KDM5A: variants seen among roughly 807,000 people sequenced by gnomAD.
The protein encoded by KDM5A is lysine-specific demethylase 5A.
In KDM5A, 42 loss-of-function variants were observed where a neutral mutation model predicts 193.5. The observed-to-expected ratio is 0.22, with a 90% CI of 0.17 to 0.28. The LOEUF is 0.28. Ranked by LOEUF, KDM5A falls within the 10% of genes least tolerant of loss-of-function variation. KDM5A has a pLI of 1.00. For missense variants in KDM5A, 1,692 were observed against 2,055.1 expected (o/e 0.82, Z 3.42); for synonymous variants, 796 against 718.1 (o/e 1.11, Z -1.73).
intron 13 of KDM5A, among the ~76,000 whole-genome samples, chr12:330,085 G>GTGTGTGTGTGTATATATATATATATATA (rs377271333): frequency 7.2e-6 from 1 of 139,322 alleles, no homozygotes; most frequent in African/African-American, 2.7e-5. Context: ...GTGTGTGTGT[G>GTGTGTGTGTGTATATATATATATATATA]TATATATATA....
intron 3 of KDM5A, among the ~76,000 whole-genome samples, chr12:382,867 G>A (rs550179738): frequency 6.6e-6 from 1 of 152,238 alleles, no homozygotes; most frequent in East Asian, 1.9e-4. Context: ...GGGAGGCAGA[G>A]GTTGCAGTGA....
intron 18 of KDM5A, among the ~76,000 whole-genome samples, chr12:319,340 C>T (rs1330024682): frequency 2.0e-5 from 3 of 152,078 alleles, no homozygotes; most frequent in Admixed American, 6.5e-5. Flanking sequence ...GTTTAGGCAA[C>T]GGAGAGGACA....
At chr12:293,710 C>T (rs996888130) in intron 26 of KDM5A, among the ~76,000 whole-genome samples, 29 of 131,120 alleles carry the variant, frequency 2.2e-4, no homozygotes, top group African/African-American at 6.7e-4. Flanking sequence ...TCCCGGGAGG[C>T]GGAGGTTGCA....
Position 306,960 on chromosome 12 carries a change from C to T in KDM5A, c.4060G>A (p.Gly1354Ser). 1 of 1,613,660 alleles carries T rather than the reference C, an allele frequency of 6.2e-7. No homozygotes were observed. The change falls in exon 24 of 28, where the codon GGC (glycine) becomes AGC (serine). Residue 1354 changes from glycine (G) to serine (S), a missense_variant. Around this residue, in one of 11 missense-constraint regions of KDM5A, gnomAD observed 965 missense variants for 1,061.0 expected, o/e 0.91. Coordinates refer to ENST00000399788, the MANE Select transcript of KDM5A (RefSeq NM_001042603.3). Reference protein sequence around the residue: ...DSDEDIRETYGYDMKDTASVK... With the variant: ...DSDEDIRETYSYDMKDTASVK... Reference sequence around the variant, plus strand: ...CATGTAACTACCTTCATGTCGTAGCCATATGTCTCTCGAATGTCTTCATCA... The same window carrying T: ...CATGTAACTACCTTCATGTCGTAGCTATATGTCTCTCGAATGTCTTCATCA...
intron 18 of KDM5A, among the ~76,000 whole-genome samples, chr12:319,056 T>C (rs1465865158): frequency 6.6e-6 from 1 of 152,066 alleles, no homozygotes; most frequent in Non-Finnish European, 1.5e-5. Context: ...TTGCTACAAG[T>C]GGATGATGAT....
rs142486969 is a variant in KDM5A at position 387,900 on chromosome 12, T to C, written c.165+1027A>G. 3.8e-3 allele frequency among the ~76,000 whole-genome samples: 581 copies of C among 152,306 alleles called. 1 individual carries two copies. Among genetic ancestry groups the C allele is most frequent in the Non-Finnish European group, 6.7e-3 (455 of 68,024 alleles). ...TTTAAAAAGCAACACTGGTTAACAG[T>C]GCTTAATATTTTATCATTACTAATA... On this transcript the variant is annotated intron_variant, in intron 1 of 27. Coordinates refer to ENST00000399788, the MANE Select transcript of KDM5A (RefSeq NM_001042603.3).
In KDM5A at chr12:310,979, G is replaced by A. The variant is rs564426386; in HGVS notation, c.3122C>T (p.Pro1041Leu). ...TGCTGCTACCTGTGATTCCACTTGC[G>A]GCAGTGCTTCAAGACGCACAGGAAT... ...RPIPVRLEAL[P>L]QVESQVAAAR... Residue 1041 changes from proline to leucine, a missense_variant, in exon 21 of 28, where the codon CCG (proline) becomes CTG (leucine). Around this residue, in one of 11 missense-constraint regions of KDM5A, gnomAD observed 965 missense variants for 1,061.0 expected, o/e 0.91. Transcript: ENST00000399788. 2.2e-5 allele frequency: 35 copies of A among 1,613,974 alleles called. No individual in the cohort carries two copies. Among genetic ancestry groups the A allele is most frequent in the Admixed American group, 5.0e-5 (3 of 59,998 alleles).
At chr12:356,309 C>A in intron 6 of KDM5A, 123 bp downstream of exon 6, 1 of 714,602 alleles carries the variant, frequency 1.4e-6, no homozygotes, top group Non-Finnish European at 2.5e-6. Flanking sequence ...TGCCTAGGAA[C>A]CACATTGCGA....
chr12:312,215 TTC>T (rs1943596172), intron 20 of KDM5A, among the ~76,000 whole-genome samples: 1 of 152,208 alleles, frequency 6.6e-6, no homozygotes, highest in Non-Finnish European at 1.5e-5. Context: ...ACTTATTTCA[TTC>T]TGTTTTAAAT....
At chr12:325,729 C>A (rs921301933) in intron 14 of KDM5A, among the ~76,000 whole-genome samples, 1 of 149,768 alleles carries the variant, frequency 6.7e-6, no homozygotes, top group Non-Finnish European at 1.5e-5. Context: ...ATGAAGGAAA[C>A]GAGGCCAGGT....
chr12:323,234 A>AG, intron 15 of KDM5A, 28 bp from the exon 16 acceptor site: 2 of 1,500,910 alleles, frequency 1.3e-6, no homozygotes, highest in Non-Finnish European at 1.8e-6. Context: ...AAAAAAAAAA[A>AG]AAAAAGAAAA....
At chr12:361,230 T>C (rs923842397) in intron 5 of KDM5A, among the ~76,000 whole-genome samples, 7 of 152,046 alleles carry the variant, frequency 4.6e-5, no homozygotes, top group Admixed American at 4.6e-4. Context: ...AGTCTTGCTC[T>C]GTCGCCCAGA....
chr12:381,657 C>T (rs1432829592), intron 3 of KDM5A, among the ~76,000 whole-genome samples: 1 of 152,138 alleles, frequency 6.6e-6, no homozygotes, highest in Admixed American at 6.6e-5. Context: ...ATTCTTGACA[C>T]AGTGCTTACT....
rs2137508222 is a variant in KDM5A, at chr12:389,052, C to T, written c.40G>A (p.Val14Met). 1 of 1,611,922 alleles carries T rather than the reference C, an allele frequency of 6.2e-7. No homozygotes were observed. Among genetic ancestry groups the T allele is most frequent in the Non-Finnish European group, 8.5e-7 (1 of 1,179,494 alleles). ...AAGACGGGGCACTCTGGCGGTGGCA[C>T]GAACTCCGCCGCGTAGCCCCCCGGC... ...VGPGGYAAEF[V>M]PPPECPVFEP... The change falls in exon 1 of 28, where the codon GTG becomes ATG. Residue 14 changes from valine to methionine, a missense_variant. Val to Met is a conservative substitution (Grantham distance 21). Transcript: ENST00000399788.
chr12:325,448 C>T (rs1433176523), intron 14 of KDM5A, among the ~76,000 whole-genome samples: 4 of 152,052 alleles, frequency 2.6e-5, no homozygotes, highest in Non-Finnish European at 4.4e-5. Flanking sequence ...TTTGGGAGGC[C>T]GAGGTGGGTA....
In KDM5A at chr12:365,937, A is replaced by C. The variant is rs1944351475; in HGVS notation, c.534T>G (p.Leu178=). 1 of 1,613,320 alleles carries C rather than the reference A, an allele frequency of 6.2e-7. No homozygotes were observed. The highest frequency in any genetic ancestry group is 1.3e-5 in the African/African-American group (1 of 74,918). ...PYELFQSGVS[L]MGVQMPNLDL... ...TAAAAAGAATAATGCATCTCACCAT[A>C]AGGCTCACACCAGACTGGAAAAGCT... Residue 178 remains leucine, a synonymous_variant, in exon 4 of 28, where the codon CTT becomes CTG. Coordinates refer to ENST00000399788, the MANE Select transcript of KDM5A (RefSeq NM_001042603.3).
chr12:384,910 C>T (rs1452942612), intron 2 of KDM5A, among the ~76,000 whole-genome samples: 1 of 152,162 alleles, frequency 6.6e-6, no homozygotes, highest in East Asian at 1.9e-4. Context: ...TGCATTGCGG[C>T]CAGGCGCGGT....
chr12:319,703 G>A (rs1248115629), intron 18 of KDM5A, among the ~76,000 whole-genome samples: 4 of 152,016 alleles, frequency 2.6e-5, no homozygotes, highest in East Asian at 1.9e-4. Flanking sequence ...ACAGTGAGCC[G>A]AGACCATACC....
chr12:333,358 G>A, intron 12 of KDM5A, 129 bp downstream of exon 12: 1 of 965,392 alleles, frequency 1.0e-6, no homozygotes, highest in Non-Finnish European at 1.6e-6. Context: ...GGCTGAGGCT[G>A]CAATGAGCAA....
Sources: gnomAD v4.1 joint callset for allele counts (sites outside exome capture counted in the v4.1 genomes callset) on GRCh38, gnomAD v4.1.1 for gene constraint, gnomAD v4.1.1 regional missense constraint, MANE v1.5 for transcripts, NCBI Gene and HGNC (gene_info 2026-07-23, HGNC 2026-07-21) for gene names.